The following HMGCS1 variants were observed in gnomAD, a reference collection of about 807,000 sequenced individuals.
The protein encoded by HMGCS1 is 3-hydroxy-3-methylglutaryl-CoA synthase 1, also known as hydroxymethylglutaryl-CoA synthase, cytoplasmic.
HMGCS1 carries 9 observed loss-of-function variants against 52.3 expected under a neutral mutation model. The observed-to-expected ratio is 0.17, with a 90% confidence interval of 0.10 to 0.30. HMGCS1 has a LOEUF of 0.30. Ranked by LOEUF, HMGCS1 falls within the 10% of genes least tolerant of loss-of-function variation. The probability of loss-of-function intolerance (pLI) is 1.00; values close to 1 mark genes in which losing one functional copy is unlikely to be tolerated. For synonymous variants in HMGCS1, 176 were observed against 214.4 expected, an observed-to-expected ratio of 0.82 and a Z score of 1.57; for missense variants, 320 against 620.9, an observed-to-expected ratio of 0.52 and a Z score of 5.15.
intron 1 of HMGCS1, among the ~76,000 whole-genome samples, chr5:43,311,869 C>G (rs991630335): frequency 2.0e-5 from 3 of 152,188 alleles, no homozygotes; most frequent in Non-Finnish European, 4.4e-5. Flanking sequence ...GCTGGGGTTA[C>G]TGATGATTAT....
At chr5:43,303,342 A>T (rs1350684854) in intron 2 of HMGCS1, among the ~76,000 whole-genome samples, 1 of 152,198 alleles carries the variant, frequency 6.6e-6, no homozygotes, top group Non-Finnish European at 1.5e-5. Context: ...TCATGATGGG[A>T]TCAGTGCTCT....
rs1754144372 is a variant in HMGCS1 at position 43,298,473 on chromosome 5, A to C, written c.448+45T>G. 1 of 1,504,274 alleles carries C rather than the reference A, an allele frequency of 6.6e-7. No homozygotes were observed. Among genetic ancestry groups the C allele is most frequent in the Admixed American group, 1.9e-5 (1 of 53,010 alleles). 93.2% of individuals were successfully genotyped at this position (1,504,274 alleles called of 1,614,324 possible). A position where few individuals can be genotyped will look rare whatever the true frequency, so the allele number is the denominator to read the frequency against. On this transcript the variant is annotated intron_variant, in intron 3 of 10. Transcript: ENST00000325110. The surrounding 1 kb of genome is among the most constrained non-coding windows in gnomAD (Gnocchi z 5.6). ...GTGTCATCTGGGTCTATTGAACCTT[A>C]GAAAAAAATTTTGGGGGACGGCGGG...
chr5:43,299,702 A>G (rs931998571), intron 2 of HMGCS1, among the ~76,000 whole-genome samples: 1 of 151,418 alleles, frequency 6.6e-6, no homozygotes, highest in African/African-American at 2.4e-5. Context: ...TCAATCAATC[A>G]TGTATTCATC....
Position 43,295,910 on chromosome 5 carries a change from A to G in HMGCS1, c.747T>C (p.Asn249=). The G allele has an allele frequency of 6.2e-7, 1 of 1,610,090 alleles. No homozygotes were observed. Among genetic ancestry groups the G allele is most frequent in the Non-Finnish European group, 8.5e-7 (1 of 1,177,240 alleles). The change falls in exon 6 of 11, where the codon AAT becomes AAC. Residue 249 remains asparagine, a synonymous_variant. Coordinates refer to ENST00000325110, the MANE Select transcript of HMGCS1 (RefSeq NM_001098272.3). Reference sequence around the variant, plus strand: ...AATCATTCAAGGTAAAATCTTTATCATTTCCCTCTGAAAGAGAAGTCCAAG... The same window carrying G: ...AATCATTCAAGGTAAAATCTTTATCGTTTCCCTCTGAAAGAGAAGTCCAAG... ...KIHAQWQKEG[N]DKDFTLNDFG...
chr5:43,300,572 T>C (rs1754262732), intron 2 of HMGCS1, among the ~76,000 whole-genome samples: 1 of 152,130 alleles, frequency 6.6e-6, no homozygotes, highest in Non-Finnish European at 1.5e-5. Context: ...GGAGGATCAC[T>C]TGAGCCCAGG....
At chr5:43,311,276 C>G (rs936390375) in intron 1 of HMGCS1, among the ~76,000 whole-genome samples, 1 of 147,696 alleles carries the variant, frequency 6.8e-6, no homozygotes, top group Non-Finnish European at 1.5e-5. Context: ...GCCGAGATCA[C>G]GCTGCTGCAC....
At chr5:43,299,701 CAT>C (rs1160169579) in intron 2 of HMGCS1, among the ~76,000 whole-genome samples, 1 of 144,948 alleles carries the variant, frequency 6.9e-6, no homozygotes, top group African/African-American at 2.6e-5. Flanking sequence ...ATCAATCAAT[CAT>C]GTATTCATCA....
chr5:43,290,766 AT>A lies in HMGCS1; in HGVS notation c.*364del, dbSNP rs560924921. On this transcript the variant is annotated 3_prime_UTR_variant, in exon 11 of 11. Transcript: ENST00000325110. ...GTACAAAATTCTTACATGTTAAAAA[AT>A]TTTTTAATTGGAGATTAGTACCTCT... 854 of 165,696 alleles carry A rather than the reference AT, an allele frequency of 5.2e-3. 12 individuals are homozygous for A. The highest frequency in any genetic ancestry group is 6.7e-3 in the Non-Finnish European group (518 of 77,144). 10.3% of individuals were successfully genotyped at this position (165,696 alleles called of 1,614,324 possible). A position where few individuals can be genotyped will look rare whatever the true frequency, so the allele number is the denominator to read the frequency against.
chr5:43,311,096 G>C lies in HMGCS1; in HGVS notation c.-70+2260C>G, dbSNP rs193257753. ...TCTCAGCACTTTGGGAGGCCAAGGC[G>C]GACGGATCATTTGAGGTCAGGAGTT... is the stretch of plus-strand genomic sequence containing the variant. On this transcript the variant is annotated intron_variant, in intron 1 of 10. Coordinates refer to ENST00000325110, the MANE Select transcript of HMGCS1 (RefSeq NM_001098272.3). 3.9e-5 allele frequency among the ~76,000 whole-genome samples: 6 copies of C among 152,208 alleles called. No individual in the cohort carries two copies. The East Asian group carries it at 1.2e-3, about 29-fold the overall frequency.
chr5:43,312,641 G>A lies in HMGCS1; in HGVS notation c.-70+715C>T, dbSNP rs190200048. Among the ~76,000 whole-genome samples the A allele has an allele frequency of 7.9e-4, 120 of 152,274 alleles. 1 individual carries two copies. Among genetic ancestry groups the A allele is most frequent in the Non-Finnish European group, 1.3e-4 (9 of 68,022 alleles). On this transcript the variant is annotated intron_variant, in intron 1 of 10. Coordinates refer to ENST00000325110, the MANE Select transcript of HMGCS1 (RefSeq NM_001098272.3). Reference sequence around the variant, plus strand: ...AAGCTGGTCCCGAAGGTATTAGTAGGAGAGAGATGTGGGATTTCAGAACAC... The same window carrying A: ...AAGCTGGTCCCGAAGGTATTAGTAGAAGAGAGATGTGGGATTTCAGAACAC...
At chr5:43,309,513 T>C (rs1425828343) in intron 1 of HMGCS1, among the ~76,000 whole-genome samples, 1 of 152,190 alleles carries the variant, frequency 6.6e-6, no homozygotes, top group Non-Finnish European at 1.5e-5. Context: ...GTGCTGGGAT[T>C]ATAGGCGTGG....
chr5:43,294,869 A>T lies in HMGCS1; in HGVS notation c.906-8T>A. 6.3e-7 allele frequency: 1 copy of T among 1,588,120 alleles called. No individual in the cohort carries two copies. The highest frequency in any genetic ancestry group is 8.6e-7 in the Non-Finnish European group (1 of 1,162,590). On this transcript the variant is annotated splice_region_variant and splice_polypyrimidine_tract_variant and intron_variant, in intron 6 of 10. Coordinates refer to ENST00000325110, the MANE Select transcript of HMGCS1 (RefSeq NM_001098272.3). ...TCTTCTAATTTAACATCCCTGAAAGATTTATTTTACAGTTTTACAGTGTTT... is the reference window on the plus strand; with the variant it reads ...TCTTCTAATTTAACATCCCTGAAAGTTTTATTTTACAGTTTTACAGTGTTT...
chr5:43,294,705 T>A lies in HMGCS1; in HGVS notation c.1062A>T (p.Ala354=). The A allele has an allele frequency of 2.5e-6, 4 of 1,608,760 alleles. No homozygotes were observed. The highest frequency in any genetic ancestry group is 3.4e-6 in the Non-Finnish European group (4 of 1,177,048). The change falls in exon 7 of 11, where the codon GCA becomes GCT. Residue 354 remains alanine (A), a synonymous_variant. Coordinates refer to ENST00000325110, the MANE Select transcript of HMGCS1 (RefSeq NM_001098272.3). ...TTTATACTTACTGTGCTAGAACAGA[T>A]GCAAGGGAACCATATACTGAAGATG... ...MYTSSVYGSL[A]SVLAQYSPQQ...
At chr5:43,305,399 C>T (rs951046663) in intron 2 of HMGCS1, among the ~76,000 whole-genome samples, 3 of 152,306 alleles carry the variant, frequency 2.0e-5, no homozygotes, top group African/African-American at 7.2e-5. Flanking sequence ...AGACTAGCTA[C>T]AGGTCTGAGG....
chr5:43,295,036 G>A (rs536511526), intron 6 of HMGCS1, among the ~76,000 whole-genome samples, 175 bp from the exon 7 acceptor site: 1 of 152,190 alleles, frequency 6.6e-6, no homozygotes, highest in South Asian at 2.1e-4. Flanking sequence ...GTATATATAT[G>A]GTTCTTTTTC....
chr5:43,296,062 A>C (rs1754018509), intron 5 of HMGCS1, 145 bp from the exon 6 acceptor site: 3 of 575,608 alleles, frequency 5.2e-6, no homozygotes, highest in Admixed American at 3.1e-5. Context: ...TATACCTTAA[A>C]GTATACATTT....
intron 10 of HMGCS1, among the ~76,000 whole-genome samples, chr5:43,291,726 A>G (rs1753775984): frequency 6.6e-6 from 1 of 152,188 alleles, no homozygotes; most frequent in South Asian, 2.1e-4. Context: ...ATAAACTTCA[A>G]GGAGGTTGTT....
At position 43,298,920 on chromosome 5, in the gene HMGCS1, C is replaced by T; in HGVS notation, c.46G>A (p.Asp16Asn). 6.2e-7 allele frequency: 1 copy of T among 1,613,938 alleles called. No homozygotes were observed. ...PLNAEACWPKDVGIVALEIYF... is the reference protein window; with the variant it reads ...PLNAEACWPKNVGIVALEIYF... ...ATCTCAAGGGCAACAATTCCCACAT[C>T]TTTTGGCCAGCAAGCTTCTGCATTC... The change falls in exon 3 of 11, where the codon GAT becomes AAT. Residue 16 changes from aspartate (D) to asparagine (N), a missense_variant. Asp to Asn is a conservative substitution (Grantham distance 23). This residue lies in a region of HMGCS1 where 22 missense variants were observed against 23.5 expected (regional missense o/e 0.94). Transcript: ENST00000325110. The surrounding 1 kb of genome is among the most constrained non-coding windows in gnomAD (Gnocchi z 5.6).
intron 1 of HMGCS1, among the ~76,000 whole-genome samples, chr5:43,312,446 C>T (rs921247508): frequency 1.3e-5 from 2 of 152,198 alleles, no homozygotes; most frequent in African/African-American, 4.8e-5. Flanking sequence ...ATTTGTTCCC[C>T]AAATCCCTCC....
Sources: allele counts gnomAD v4.1 joint callset (sites outside exome capture counted in the v4.1 genomes callset), GRCh38; gene constraint gnomAD v4.1.1; regional missense constraint gnomAD v4.1.1; non-coding constraint Gnocchi (gnomAD v3.1); transcripts MANE v1.5; gene names NCBI Gene and HGNC (gene_info 2026-07-23, HGNC 2026-07-21).